The following MAP4K3 variants were observed in gnomAD, a reference collection of about 807,000 sequenced individuals.
MAP4K3 encodes the protein MAPK/ERK kinase kinase kinase 3.
Under a neutral mutation model 143.5 loss-of-function variants are expected in MAP4K3, and 94 were observed. That is an observed-to-expected ratio of 0.65 (90% confidence interval 0.55 to 0.78). MAP4K3 has a LOEUF of 0.78. MAP4K3 is among the 30% of genes least tolerant of loss of function. The pLI is 0.00. For missense variants in MAP4K3, 1,077 were observed against 1,068.1 expected (o/e 1.01, Z -0.12); for synonymous variants, 416 against 347.2 (o/e 1.20, Z -2.20).
chr2:39,335,134 G>A (rs1295632448), intron 6 of MAP4K3, among the ~76,000 whole-genome samples: 2 of 152,126 alleles, frequency 1.3e-5, no homozygotes, highest in African/African-American at 2.4e-5. Flanking sequence ...ATGAGGTCAC[G>A]GAGAAATGCA....
At chr2:39,415,980 A>AAAAAAAAT (rs1553318573) in intron 1 of MAP4K3, among the ~76,000 whole-genome samples, 16 of 14,738 alleles carry the variant, frequency 1.1e-3, no homozygotes, top group East Asian at 2.5e-3. Flanking sequence ...AAAAAAAAAA[A>AAAAAAAAT]ATATATATAT....
In MAP4K3 at chr2:39,282,556, T is replaced by C; in HGVS notation, c.1588-2A>G. On this transcript the variant is annotated splice_acceptor_variant, in intron 21 of 33. Coordinates refer to ENST00000263881, the MANE Select transcript of MAP4K3 (RefSeq NM_003618.4). LOFTEE classifies it high-confidence loss of function. ...AGGAAGACCATTACTAATAGGCTTC[T>C]AGAAAAAGAACACATGTATGATTAC... The C allele has an allele frequency of 1.2e-6, 2 of 1,609,418 alleles. No homozygotes were observed. Among genetic ancestry groups the C allele is most frequent in the South Asian group, 2.2e-5 (2 of 90,408 alleles).
At chr2:39,379,272 C>A (rs1244785749) in intron 1 of MAP4K3, among the ~76,000 whole-genome samples, 2 of 151,930 alleles carry the variant, frequency 1.3e-5, no homozygotes, top group African/African-American at 4.8e-5. Context: ...AAAATTTAAC[C>A]ATTTAACTCT....
Position 39,249,712 on chromosome 2 carries a change from T to C in MAP4K3, c.*906A>G, listed in dbSNP as rs1680076656. On this transcript the variant is annotated 3_prime_UTR_variant, in exon 34 of 34. Transcript: ENST00000263881. ...GTTACAGTTCTTCAGTGTGATCATA[T>C]GAAATGTTTAGTGAGGACTCTTTAA... 1 of 152,644 alleles carries C rather than the reference T, an allele frequency of 6.6e-6. No homozygotes were observed. Among genetic ancestry groups the C allele is most frequent in the Non-Finnish European group, 1.5e-5 (1 of 68,018 alleles). 9.5% of individuals were successfully genotyped at this position (152,644 alleles called of 1,614,324 possible).
chr2:39,392,206 T>C (rs1359493645), intron 1 of MAP4K3, among the ~76,000 whole-genome samples: 2 of 56,580 alleles, frequency 3.5e-5, no homozygotes, highest in African/African-American at 5.6e-5. Context: ...AAAAAAAAAA[T>C]TACAGTGAAG....
intron 8 of MAP4K3, among the ~76,000 whole-genome samples, chr2:39,329,413 A>C (rs1419060771): frequency 6.6e-6 from 1 of 152,226 alleles, no homozygotes; most frequent in Non-Finnish European, 1.5e-5. Context: ...AAACAGAAGA[A>C]TAGTAAATGA....
At chr2:39,305,459 T>A (rs995088160) in intron 15 of MAP4K3, among the ~76,000 whole-genome samples, 1 of 152,180 alleles carries the variant, frequency 6.6e-6, no homozygotes, top group African/African-American at 2.4e-5. Context: ...AATCACCTCA[T>A]TTGTAAAACA....
chr2:39,407,031 T>C (rs1164118517), intron 1 of MAP4K3, among the ~76,000 whole-genome samples: 2 of 152,312 alleles, frequency 1.3e-5, no homozygotes, highest in East Asian at 3.9e-4. Flanking sequence ...TAATACATCA[T>C]GATCAAGTGG....
intron 14 of MAP4K3, 133 bp from the exon 15 acceptor site, chr2:39,308,138 TG>T (rs1682786109): frequency 2.1e-6 from 1 of 478,912 alleles, no homozygotes. Flanking sequence ...AGAGTCAAAC[TG>T]TATTAGGCAG....
At chr2:39,387,724 A>T (rs1175065762) in intron 1 of MAP4K3, among the ~76,000 whole-genome samples, 1 of 152,250 alleles carries the variant, frequency 6.6e-6, no homozygotes, top group Admixed American at 6.5e-5. Context: ...CCATAAGAAA[A>T]GAGCAGATCT....
intron 1 of MAP4K3, among the ~76,000 whole-genome samples, chr2:39,393,937 T>A (rs145311066): frequency 6.6e-6 from 1 of 152,332 alleles, no homozygotes; most frequent in African/African-American, 2.4e-5. Flanking sequence ...AAGGGTCAGT[T>A]GTATATCTTT....
chr2:39,375,121 T>C (rs1051458079), intron 2 of MAP4K3, among the ~76,000 whole-genome samples: 1 of 152,064 alleles, frequency 6.6e-6, no homozygotes, highest in Non-Finnish European at 1.5e-5. Context: ...TAGCTGGGTG[T>C]CATGTCATAC....
intron 24 of MAP4K3, among the ~76,000 whole-genome samples, chr2:39,272,934 A>C (rs1681091883): frequency 6.6e-6 from 1 of 152,070 alleles, no homozygotes. Context: ...CACAATATGC[A>C]TTCTAGGGTG....
chr2:39,430,195 G>A (rs532475950), intron 1 of MAP4K3, among the ~76,000 whole-genome samples: 2 of 152,290 alleles, frequency 1.3e-5, no homozygotes, highest in Non-Finnish European at 2.9e-5. Flanking sequence ...GCATACAGGC[G>A]ATGAAGAGGA....
chr2:39,411,899 C>T (rs369301185), intron 1 of MAP4K3, among the ~76,000 whole-genome samples: 9 of 152,306 alleles, frequency 5.9e-5, no homozygotes, highest in Middle Eastern at 6.8e-3. Flanking sequence ...CTTGACAACA[C>T]GCTTCATGGC....
Position 39,435,516 on chromosome 2 carries a change from G to C in MAP4K3, c.96+1376C>G, listed in dbSNP as rs113384848. ...ACGCCTAATCATCTCTGAGATCTCA[G>C]CTGAAAGGCGATGAGCGTCTGATAC... On this transcript the variant is annotated intron_variant, in intron 1 of 33. Coordinates refer to ENST00000263881, the MANE Select transcript of MAP4K3 (RefSeq NM_003618.4). 1.3e-3 allele frequency among the ~76,000 whole-genome samples: 199 copies of C among 152,296 alleles called. 3 individuals carry two copies. The highest frequency in any genetic ancestry group is 4.6e-3 in the African/African-American group (193 of 41,556).
At chr2:39,386,161 A>G (rs1445245956) in intron 1 of MAP4K3, among the ~76,000 whole-genome samples, 2 of 152,190 alleles carry the variant, frequency 1.3e-5, no homozygotes, top group East Asian at 3.8e-4. Flanking sequence ...CTTTAAGAAA[A>G]GGAAGAGATA....
At chr2:39,290,942 G>A (rs1019538780) in intron 18 of MAP4K3, among the ~76,000 whole-genome samples, 1 of 152,086 alleles carries the variant, frequency 6.6e-6, no homozygotes, top group African/African-American at 2.4e-5. Flanking sequence ...AGCCAGGTGT[G>A]GTGGCGGGTG....
At chr2:39,368,725 C>T (rs1016246869) in intron 2 of MAP4K3, among the ~76,000 whole-genome samples, 1 of 151,854 alleles carries the variant, frequency 6.6e-6, no homozygotes, top group African/African-American at 2.4e-5. Context: ...TAAAATAGTT[C>T]TAATTTTGGA....
Sources: gnomAD v4.1 joint callset for allele counts (sites outside exome capture counted in the v4.1 genomes callset) on GRCh38, gnomAD v4.1.1 for gene constraint, MANE v1.5 for transcripts, NCBI Gene and HGNC (gene_info 2026-07-23, HGNC 2026-07-21) for gene names.